PDE4B: variants seen among roughly 807,000 people sequenced by gnomAD.
The protein encoded by PDE4B is 3',5'-cyclic-AMP phosphodiesterase 4B.
Under a neutral mutation model 82.2 loss-of-function variants are expected in PDE4B, and 20 were observed. That is an observed-to-expected ratio of 0.24 (90% confidence interval 0.17 to 0.35). The LOEUF (loss-of-function observed/expected upper bound fraction) is 0.35, where lower values mean the gene tolerates loss of function less well. Among genes scored for constraint, PDE4B ranks in the 10% least tolerant of loss-of-function variants. The probability of loss-of-function intolerance (pLI) is 1.00; values close to 1 mark genes in which losing one functional copy is unlikely to be tolerated. For synonymous variants in PDE4B, 320 were observed against 318.9 expected (o/e 1.00, Z -0.04); for missense variants, 655 against 907.2 (o/e 0.72, Z 3.57).
chr1:66,368,069 T>C lies in PDE4B; in HGVS notation c.1662+4T>C, dbSNP rs747982889. 6.2e-7 allele frequency: 1 copy of C among 1,612,306 alleles called. No homozygotes were observed. Among genetic ancestry groups the C allele is most frequent in the South Asian group, 1.1e-5 (1 of 90,636 alleles). ...CAACTATACCGATCGCATTCAGGTA[T>C]TTGAGGAAAGTCTTTGATTTAACAC... On this transcript the variant is annotated splice_donor_region_variant and intron_variant, in intron 15 of 16. Transcript: ENST00000341517.
intron 3 of PDE4B, among the ~76,000 whole-genome samples, chr1:66,071,141 A>C (rs556621794): frequency 6.6e-6 from 1 of 152,186 alleles, no homozygotes; most frequent in African/African-American, 2.4e-5. Flanking sequence ...ATATTAAGAG[A>C]GGGTCATTCC....
At chr1:66,231,226 C>A (rs1034461715) in intron 3 of PDE4B, among the ~76,000 whole-genome samples, 1 of 152,060 alleles carries the variant, frequency 6.6e-6, no homozygotes, top group Admixed American at 6.6e-5. Flanking sequence ...CTCAGCTAGA[C>A]CATTTAAGGT....
chr1:66,255,356 G>A (rs1654131933), intron 4 of PDE4B, among the ~76,000 whole-genome samples: 1 of 152,102 alleles, frequency 6.6e-6, no homozygotes, highest in South Asian at 2.1e-4. Flanking sequence ...CCAAAGTGCT[G>A]GGATTACAGG....
intron 3 of PDE4B, among the ~76,000 whole-genome samples, chr1:65,996,634 C>T (rs1651557472): frequency 1.3e-5 from 2 of 152,080 alleles, no homozygotes; most frequent in Non-Finnish European, 2.9e-5. Flanking sequence ...TCAATATTAC[C>T]TGCTGCAGAT....
At chr1:66,107,771 T>C (rs1327891814) in intron 3 of PDE4B, among the ~76,000 whole-genome samples, 3 of 151,906 alleles carry the variant, frequency 2.0e-5, no homozygotes, top group Admixed American at 1.3e-4. Context: ...CCAAAACTAT[T>C]CTAAGCCACC....
At chr1:66,330,238 C>A (rs1201857581) in intron 7 of PDE4B, among the ~76,000 whole-genome samples, 1 of 152,174 alleles carries the variant, frequency 6.6e-6, no homozygotes, top group Admixed American at 6.5e-5. Context: ...GAAGAGAGGA[C>A]AATGGAGCAA....
Position 66,194,856 on chromosome 1 carries a change from T to C in PDE4B, c.282-52604T>C, listed in dbSNP as rs540825671. On this transcript the variant is annotated intron_variant, in intron 3 of 16. Transcript: ENST00000341517. The stretch of plus-strand genomic sequence containing the variant: ...CCCAATTCATAACAGAGATTAACAC[T>C]CACTTATGTTTGAATTTTACTGAAA... 2.6e-5 allele frequency among the ~76,000 whole-genome samples: 4 copies of C among 152,244 alleles called. No individual in the cohort carries two copies. In the South Asian group the frequency reaches 8.3e-4, roughly 32 times the overall value.
At chr1:66,122,588 T>A (rs1370965153) in intron 3 of PDE4B, among the ~76,000 whole-genome samples, 3 of 152,126 alleles carry the variant, frequency 2.0e-5, no homozygotes, top group Non-Finnish European at 1.5e-5. Context: ...ACTATGGCCA[T>A]ATTGTAGATG....
intron 4 of PDE4B, 84 bp downstream of exon 4, chr1:66,247,738 A>C: frequency 9.9e-7 from 1 of 1,011,184 alleles, no homozygotes; most frequent in Non-Finnish European, 1.4e-6. Flanking sequence ...ACAATTCCCC[A>C]TTAATCTATG....
Position 66,308,987 on chromosome 1 carries a change from A to T in PDE4B, c.635-23521A>T, listed in dbSNP as rs141739301. 2.3e-4 allele frequency among the ~76,000 whole-genome samples: 35 copies of T among 152,318 alleles called. No homozygotes were observed. The East Asian group carries it at 6.2e-3, about 27-fold the overall frequency. Reference sequence around the variant, plus strand: ...AGGTTCAAAATTTAGTGCAATTTACACATACATTGTCGATTCAGGAAAGAG... The same window carrying T: ...AGGTTCAAAATTTAGTGCAATTTACTCATACATTGTCGATTCAGGAAAGAG... On this transcript the variant is annotated intron_variant, in intron 7 of 16. Coordinates refer to ENST00000341517, the MANE Select transcript of PDE4B (RefSeq NM_002600.4).
chr1:66,229,217 G>T (rs1212934044), intron 3 of PDE4B, among the ~76,000 whole-genome samples: 1 of 151,334 alleles, frequency 6.6e-6, no homozygotes, highest in Non-Finnish European at 1.5e-5. Flanking sequence ...CACCGTGTTA[G>T]CCAGGATGGT....
chr1:65,948,920 C>T lies in PDE4B; in HGVS notation c.281+30085C>T, dbSNP rs868784455. The stretch of plus-strand genomic sequence containing the variant: ...GCATAGCTGACCTCAAACTTCTACT[C>T]TGCCGTCACGTATCTCTTTTGAATA... On this transcript the variant is annotated intron_variant, in intron 3 of 16. Coordinates refer to ENST00000341517, the MANE Select transcript of PDE4B (RefSeq NM_002600.4). Among the ~76,000 whole-genome samples the T allele has an allele frequency of 2.0e-5, 3 of 152,106 alleles. No homozygotes were observed. The South Asian group carries it at 6.2e-4, about 31-fold the overall frequency.
At chr1:65,908,833 C>T (rs1323278450) in intron 1 of PDE4B, among the ~76,000 whole-genome samples, 1 of 152,014 alleles carries the variant, frequency 6.6e-6, no homozygotes, top group Non-Finnish European at 1.5e-5. Context: ...CTGATTTTAC[C>T]AGAGAAGCAG....
intron 7 of PDE4B, among the ~76,000 whole-genome samples, chr1:66,305,846 A>T (rs1301705318): frequency 1.3e-5 from 2 of 152,164 alleles, no homozygotes; most frequent in African/African-American, 4.8e-5. Flanking sequence ...AGCCAGTAAT[A>T]ATAGTACTTT....
chr1:66,237,142 G>T (rs1186227270), intron 3 of PDE4B, among the ~76,000 whole-genome samples: 1 of 152,072 alleles, frequency 6.6e-6, no homozygotes, highest in Non-Finnish European at 1.5e-5. Flanking sequence ...TACTTTCTCT[G>T]CTTCCCTTTC....
At chr1:66,189,997 A>T (rs1239469320) in intron 3 of PDE4B, among the ~76,000 whole-genome samples, 1 of 152,058 alleles carries the variant, frequency 6.6e-6, no homozygotes, top group African/African-American at 2.4e-5. Flanking sequence ...GATGGTGATG[A>T]AGAAATGGGG....
chr1:66,344,862 C>A (rs532754147), intron 8 of PDE4B, among the ~76,000 whole-genome samples: 2 of 152,268 alleles, frequency 1.3e-5, no homozygotes, highest in African/African-American at 4.8e-5. Context: ...TGAGACAGTG[C>A]AGAGATTTCT....
At chr1:66,158,352 A>G (rs1646542619) in intron 3 of PDE4B, among the ~76,000 whole-genome samples, 1 of 152,204 alleles carries the variant, frequency 6.6e-6, no homozygotes, top group Non-Finnish European at 1.5e-5. Flanking sequence ...AAGCAATGCT[A>G]TTTCAAAATG....
At chr1:65,798,615 A>G (rs1468493810) in intron 1 of PDE4B, among the ~76,000 whole-genome samples, 1 of 151,892 alleles carries the variant, frequency 6.6e-6, no homozygotes, top group African/African-American at 2.4e-5. Flanking sequence ...TGGCTTCCCA[A>G]AGTGCTGGGA....
Sources: allele counts gnomAD v4.1 joint callset (sites outside exome capture counted in the v4.1 genomes callset), GRCh38; gene constraint gnomAD v4.1.1; transcripts MANE v1.5; gene names NCBI Gene and HGNC (gene_info 2026-07-23, HGNC 2026-07-21).